XRN1: variants seen among roughly 807,000 people sequenced by gnomAD.
The protein encoded by XRN1 is 5'-3' exoribonuclease 1, also known as strand-exchange protein 1 homolog.
In XRN1, 67 loss-of-function variants were observed where a neutral mutation model predicts 222.3. That is an observed-to-expected ratio of 0.30 (90% CI 0.25 to 0.37). XRN1 has a LOEUF of 0.37. XRN1 is among the 10% of genes least tolerant of loss of function. XRN1 has a pLI of 1.00. For synonymous variants in XRN1, 643 were observed against 652.4 expected (o/e 0.99, Z 0.22); for missense variants, 1,707 against 2,000.2 (o/e 0.85, Z 2.80).
At position 142,312,592 on chromosome 3, in the gene XRN1, T is replaced by C. The variant is rs1240614937; in HGVS notation, c.4782+6A>G. 5 of 1,536,498 alleles carry C rather than the reference T, an allele frequency of 3.3e-6. No individual in the cohort carries two copies. The highest frequency in any genetic ancestry group is 3.5e-6 in the Non-Finnish European group (4 of 1,141,448). ...ATAATTATCTTAAAAATATTATTTT[T>C]CTTACCTGCAGAGGTATAAACTGAT... On this transcript the variant is annotated splice_donor_region_variant and intron_variant, in intron 40 of 40. Coordinates refer to ENST00000392981, the MANE Select transcript of XRN1 (RefSeq NM_001282857.2).
chr3:142,388,348 A>G (rs1019857103), intron 20 of XRN1, among the ~76,000 whole-genome samples: 1 of 152,242 alleles, frequency 6.6e-6, no homozygotes, highest in African/African-American at 2.4e-5. Flanking sequence ...TATAATACAT[A>G]TACAAAATAT....
chr3:142,432,593 A>G (rs1258652591), intron 2 of XRN1, 68 bp downstream of exon 2: 21 of 1,339,234 alleles, frequency 1.6e-5, no homozygotes, highest in Admixed American at 2.7e-5. Context: ...TGTTAAATCA[A>G]TTATCTTTAA....
chr3:142,405,675 C>T (rs1411261125), intron 15 of XRN1, among the ~76,000 whole-genome samples: 1 of 151,948 alleles, frequency 6.6e-6, no homozygotes, highest in African/African-American at 2.4e-5. Flanking sequence ...GACCCACAGA[C>T]CAGAAGAACA....
intron 39 of XRN1, chr3:142,312,991 G>T: frequency 1.0e-6 from 1 of 994,822 alleles, no homozygotes; most frequent in Non-Finnish European, 1.5e-6. Context: ...GGCCTGAAAA[G>T]GAGAATACTA....
intron 20 of XRN1, among the ~76,000 whole-genome samples, chr3:142,395,329 T>C (rs1245464604): frequency 1.3e-5 from 2 of 152,200 alleles, no homozygotes; most frequent in Non-Finnish European, 2.9e-5. Context: ...TAAGTGCTCA[T>C]GAATCCACAT....
intron 3 of XRN1, 132 bp downstream of exon 3, chr3:142,426,612 A>C: frequency 2.5e-6 from 2 of 791,582 alleles, no homozygotes; most frequent in South Asian, 2.0e-5. Context: ...ATGAGCAAAC[A>C]TAAGTGGGAA....
At chr3:142,369,670 A>C (rs908546099) in intron 27 of XRN1, among the ~76,000 whole-genome samples, 5 of 151,408 alleles carry the variant, frequency 3.3e-5, no homozygotes, top group Admixed American at 6.6e-5. Flanking sequence ...AAAAAAAAAA[A>C]ACAAGAGTAT....
intron 37 of XRN1, among the ~76,000 whole-genome samples, chr3:142,322,417 T>C (rs573212475): frequency 5.9e-5 from 9 of 152,306 alleles, no homozygotes; most frequent in African/African-American, 2.2e-4. Context: ...TCGGGCGCAG[T>C]GGCTCATGCC....
Position 142,318,772 on chromosome 3 carries a change from G to C in XRN1, c.4518+18C>G. The stretch of plus-strand genomic sequence containing the variant: ...GACTAATAAAAATTTTAATAGAGAA[G>C]TCATGGACAGTTCTTACCAACTGTT... On this transcript the variant is annotated intron_variant, in intron 38 of 40. Coordinates refer to ENST00000392981, the MANE Select transcript of XRN1 (RefSeq NM_001282857.2). The C allele has an allele frequency of 6.2e-7, 1 of 1,612,574 alleles. No individual in the cohort carries two copies. The highest frequency in any genetic ancestry group is 8.5e-7 in the Non-Finnish European group (1 of 1,178,790).
At chr3:142,332,658 C>A in intron 35 of XRN1, 124 bp from the exon 36 acceptor site, 4 of 894,970 alleles carry the variant, frequency 4.5e-6, no homozygotes, top group Non-Finnish European at 6.3e-6. Context: ...ACATTAACTA[C>A]ATTCAGATAG....
chr3:142,387,184 CA>C (rs1411223748), intron 20 of XRN1, among the ~76,000 whole-genome samples: 1 of 152,074 alleles, frequency 6.6e-6, no homozygotes, highest in Non-Finnish European at 1.5e-5. Flanking sequence ...ATTAGAATCA[CA>C]ATACTGACCA....
intron 24 of XRN1, 68 bp downstream of exon 24, chr3:142,376,411 T>C (rs960336338): frequency 7.8e-6 from 9 of 1,151,878 alleles, no homozygotes; most frequent in Non-Finnish European, 1.1e-5. Flanking sequence ...TACTGAAATA[T>C]TAAGCATTTA....
At chr3:142,386,842 A>G (rs2067521369) in intron 20 of XRN1, among the ~76,000 whole-genome samples, 1 of 152,222 alleles carries the variant, frequency 6.6e-6, no homozygotes, top group African/African-American at 2.4e-5. Flanking sequence ...GTAAGTACTT[A>G]TGAAAACAGA....
intron 25 of XRN1, among the ~76,000 whole-genome samples, chr3:142,375,190 T>A (rs2067104935): frequency 6.6e-6 from 1 of 152,210 alleles, no homozygotes; most frequent in Non-Finnish European, 1.5e-5. Context: ...GGTACTTTGT[T>A]ACAGGAGCTA....
At chr3:142,338,482 A>G (rs969178832) in intron 33 of XRN1, among the ~76,000 whole-genome samples, 5 of 152,114 alleles carry the variant, frequency 3.3e-5, no homozygotes, top group Admixed American at 3.3e-4. Flanking sequence ...TGTGCCTTCG[A>G]TAAGAGTCTG....
chr3:142,313,788 C>T (rs962022580), intron 39 of XRN1, among the ~76,000 whole-genome samples: 23 of 152,132 alleles, frequency 1.5e-4, no homozygotes, highest in Non-Finnish European at 8.8e-5. Context: ...AATCCCAGCA[C>T]TTTGGGATGC....
Position 142,414,278 on chromosome 3 carries a change from G to T in XRN1, c.1450C>A (p.His484Asn). Residue 484 changes from histidine to asparagine, a missense_variant, in exon 14 of 41, where the codon CAT becomes AAT. His to Asn is a moderately conservative substitution (Grantham distance 68). Coordinates refer to ENST00000392981, the MANE Select transcript of XRN1 (RefSeq NM_001282857.2). ...VQSWSWYYPY[H>N]YAPFLSDIHN... ...ATATCAGACAGGAAAGGTGCATAAT[G>T]ATAAGGATAATACCTATAAAACAAA... The T allele has an allele frequency of 6.2e-7, 1 of 1,608,616 alleles. No individual in the cohort carries two copies. The highest frequency in any genetic ancestry group is 8.5e-7 in the Non-Finnish European group (1 of 1,177,424).
chr3:142,378,046 A>C (rs1462205699), intron 23 of XRN1, among the ~76,000 whole-genome samples: 1 of 152,194 alleles, frequency 6.6e-6, no homozygotes, highest in East Asian at 1.9e-4. Context: ...ACAGGATATA[A>C]AGCTTTATAT....
intron 32 of XRN1, among the ~76,000 whole-genome samples, chr3:142,353,016 C>T (rs2066355165): frequency 6.6e-6 from 1 of 152,180 alleles, no homozygotes; most frequent in Non-Finnish European, 1.5e-5. Context: ...TATTCCTTTC[C>T]TCTTCCTTTC....
Sources: gnomAD v4.1 joint callset for allele counts (sites outside exome capture counted in the v4.1 genomes callset) on GRCh38, gnomAD v4.1.1 for gene constraint, MANE v1.5 for transcripts, NCBI Gene and HGNC (gene_info 2026-07-23, HGNC 2026-07-21) for gene names.